Variants in RPSA2 observed in about 807,000 individuals in gnomAD.
The protein encoded by RPSA2 is small ribosomal subunit protein uS2B.
chr19:23,851,829 G>T, the RPSA2 span, among the ~76,000 whole-genome samples: 2 of 152,106 alleles, frequency 1.3e-5, no homozygotes, highest in Admixed American at 6.5e-5. Context: ...CAAACAATTT[G>T]TTTTTTGGAA....
At chr19:23,870,400 T>A in the RPSA2 span, among the ~76,000 whole-genome samples, 1 of 7,898 alleles carries the variant, frequency 1.3e-4, no homozygotes, top group Non-Finnish European at 1.0e-3. Context: ...GAAATTGCAC[T>A]GTCATTCACA....
the RPSA2 span, among the ~76,000 whole-genome samples, chr19:23,812,478 C>T: frequency 2.7e-5 from 4 of 146,794 alleles, no homozygotes; most frequent in Non-Finnish European, 4.5e-5. Context: ...TCACTGCAAC[C>T]TCTGCCTCCA....
At chr19:23,833,908 A>C in the RPSA2 span, among the ~76,000 whole-genome samples, 1 of 152,140 alleles carries the variant, frequency 6.6e-6, no homozygotes, top group Admixed American at 6.5e-5. Flanking sequence ...TTTGTCCAAC[A>C]TCAGTGAGTT....
chr19:23,868,511 CAA>C, the RPSA2 span, among the ~76,000 whole-genome samples: 1 of 149,956 alleles, frequency 6.7e-6, no homozygotes, highest in Admixed American at 6.6e-5. Flanking sequence ...GTTGAGAAAA[CAA>C]AAAAAAAGGG....
At chr19:23,812,815 C>G in the RPSA2 span, among the ~76,000 whole-genome samples, 1 of 152,050 alleles carries the variant, frequency 6.6e-6, no homozygotes, top group Admixed American at 6.5e-5. Context: ...GAGACAAACA[C>G]TTTGTGATTT....
the RPSA2 span, among the ~76,000 whole-genome samples, chr19:23,843,978 C>A: frequency 6.6e-6 from 1 of 152,094 alleles, no homozygotes; most frequent in Non-Finnish European, 1.5e-5. Context: ...AGCCTGGTCT[C>A]CAACTCCTGA....
At chr19:23,777,721 G>C in the RPSA2 span, among the ~76,000 whole-genome samples, 1 of 152,102 alleles carries the variant, frequency 6.6e-6, no homozygotes. Flanking sequence ...TCCTGCCTGA[G>C]CCTTGCCCAC....
chr19:23,794,928 A>C, the RPSA2 span, among the ~76,000 whole-genome samples: 1 of 152,168 alleles, frequency 6.6e-6, no homozygotes, highest in African/African-American at 2.4e-5. Flanking sequence ...CCATTTATTA[A>C]ATAGGGAATT....
the RPSA2 span, among the ~76,000 whole-genome samples, chr19:23,807,097 T>C: frequency 8.5e-5 from 13 of 152,144 alleles, no homozygotes; most frequent in East Asian, 1.9e-4. Context: ...CTATAGAGGT[T>C]TTTTTTCCTC....
At chr19:23,834,459 A>G in the RPSA2 span, among the ~76,000 whole-genome samples, 148,704 of 152,040 alleles carry the variant, frequency 0.98, 72,814 homozygotes, top group Middle Eastern at 1. Flanking sequence ...AAAATGTAAG[A>G]TGCATAATGA....
chr19:23,771,559 C>G, the RPSA2 span, among the ~76,000 whole-genome samples: 1 of 152,212 alleles, frequency 6.6e-6, no homozygotes, highest in Admixed American at 6.5e-5. Context: ...TGATTTGACT[C>G]TCCTGCCTGG....
chr19:23,781,120 G>T, the RPSA2 span, among the ~76,000 whole-genome samples: 1 of 152,086 alleles, frequency 6.6e-6, no homozygotes, highest in African/African-American at 2.4e-5. Context: ...GACTACCGGT[G>T]CATGCCACAA....
chr19:23,809,102 T>A, the RPSA2 span: 2 of 156,350 alleles, frequency 1.3e-5, no homozygotes, highest in Non-Finnish European at 2.8e-5. Flanking sequence ...TTTCTTGTTT[T>A]TGTGGACAGA....
the RPSA2 span, among the ~76,000 whole-genome samples, chr19:23,861,242 A>G: frequency 1.3e-5 from 2 of 152,200 alleles, no homozygotes; most frequent in Non-Finnish European, 2.9e-5. Context: ...CATTGGCCCT[A>G]CCCAAAGCAA....
chr19:23,812,388 CT>C, the RPSA2 span, among the ~76,000 whole-genome samples: 61 of 114,184 alleles, frequency 5.3e-4, 2 homozygotes, highest in East Asian at 7.9e-4. Flanking sequence ...CTCTTTTTCT[CT>C]TTTTTTTTTT....
chr19:23,788,443 G>A, the RPSA2 span, among the ~76,000 whole-genome samples: 5 of 151,990 alleles, frequency 3.3e-5, no homozygotes, highest in Non-Finnish European at 7.4e-5. Context: ...GGATTGTGAT[G>A]TATCACTTGG....
At chr19:23,767,761 GTTTTTTTTTTTTTT>G in the RPSA2 span, among the ~76,000 whole-genome samples, 7 of 73,102 alleles carry the variant, frequency 9.6e-5, no homozygotes, top group Non-Finnish European at 1.5e-4. Context: ...TTCAATTTCA[GTTTTTTTTTTTTTT>G]TTTTTTTTTG....
chr19:23,870,222 G>C, the RPSA2 span, among the ~76,000 whole-genome samples: 1 of 152,146 alleles, frequency 6.6e-6, no homozygotes, highest in Non-Finnish European at 1.5e-5. Flanking sequence ...CTGTAGCTTT[G>C]CATAGTTCTG....
At chr19:23,868,332 AC>A in the RPSA2 span, among the ~76,000 whole-genome samples, 1 of 152,168 alleles carries the variant, frequency 6.6e-6, no homozygotes, top group African/African-American at 2.4e-5. Context: ...GTATGGTGAC[AC>A]TGTCTGTCGC....
Sources: gnomAD v4.1 joint callset for allele counts (sites outside exome capture counted in the v4.1 genomes callset) on GRCh38, gnomAD v4.1.1 for gene constraint, MANE v1.5 for transcripts, NCBI Gene and HGNC (gene_info 2026-07-23, HGNC 2026-07-21) for gene names.